Variants in CHST11 observed in about 807,000 individuals in gnomAD.
CHST11 encodes carbohydrate sulfotransferase 11, also known as C4S-1.
CHST11 carries 9 observed loss-of-function variants against 30.4 expected under a neutral mutation model. The ratio of observed to expected loss-of-function variants is 0.30; its 90% CI spans 0.18 to 0.52. CHST11 has a LOEUF of 0.52. Among genes scored for constraint, CHST11 ranks in the 20% least tolerant of loss-of-function variants. The pLI is 0.97. For missense variants in CHST11, 348 were observed against 460.6 expected (o/e 0.76, Z 2.24); for synonymous variants, 152 against 187.8 (o/e 0.81, Z 1.56).
intron 2 of CHST11, among the ~76,000 whole-genome samples, chr12:104,748,180 AGTCT>A (rs2040403358): frequency 6.6e-6 from 1 of 152,170 alleles, no homozygotes; most frequent in East Asian, 1.9e-4. Context: ...TGGATCTAGG[AGTCT>A]GTCGGCAGCA....
chr12:104,710,598 T>G (rs763808243), intron 2 of CHST11, among the ~76,000 whole-genome samples: 1 of 152,102 alleles, frequency 6.6e-6, no homozygotes, highest in South Asian at 2.1e-4. Context: ...TTCATCTTCT[T>G]CCTGGAAGGT....
Position 104,677,637 on chromosome 12 carries a change from G to C in CHST11, c.204+75646G>C, listed in dbSNP as rs12579373. On this transcript the variant is annotated intron_variant, in intron 2 of 2. Coordinates refer to ENST00000303694, the MANE Select transcript of CHST11 (RefSeq NM_018413.6). ...GGAGAAACCACTAGGAATTTGGGGG[G>C]AATAGAGCAGAGAGAGAGAGGTAGG... Among the ~76,000 whole-genome samples the C allele has an allele frequency of 7.6e-3, 1,159 of 152,360 alleles. 17 individuals are homozygous for C. Among genetic ancestry groups the C allele is most frequent in the East Asian group, 0.061 (314 of 5,184 alleles).
At chr12:104,704,298 G>T (rs1002814769) in intron 2 of CHST11, among the ~76,000 whole-genome samples, 1 of 152,200 alleles carries the variant, frequency 6.6e-6, no homozygotes, top group African/African-American at 2.4e-5. Context: ...GACCCAGGAA[G>T]GCCAGGGCTG....
At chr12:104,473,026 G>A (rs944375166) in intron 1 of CHST11, among the ~76,000 whole-genome samples, 4 of 152,170 alleles carry the variant, frequency 2.6e-5, no homozygotes, top group Non-Finnish European at 4.4e-5. Context: ...ATGCTCTAAA[G>A]TTTGAGTTTT....
At chr12:104,509,575 A>T (rs998329277) in intron 1 of CHST11, among the ~76,000 whole-genome samples, 2 of 152,298 alleles carry the variant, frequency 1.3e-5, no homozygotes, top group Admixed American at 1.3e-4. Flanking sequence ...TACCTGTTGA[A>T]CATTGATAGA....
chr12:104,465,066 T>C (rs1403060300), intron 1 of CHST11, among the ~76,000 whole-genome samples: 1 of 152,250 alleles, frequency 6.6e-6, no homozygotes, highest in African/African-American at 2.4e-5. Context: ...CAAATAGCAG[T>C]GTGCCTTCAC....
intron 2 of CHST11, among the ~76,000 whole-genome samples, chr12:104,712,163 TA>T (rs2040093754): frequency 6.6e-6 from 1 of 152,170 alleles, no homozygotes; most frequent in African/African-American, 2.4e-5. Context: ...ACACCAACTG[TA>T]CCATTTGGTT....
chr12:104,681,776 A>G (rs950672963), intron 2 of CHST11, among the ~76,000 whole-genome samples: 1 of 149,626 alleles, frequency 6.7e-6, no homozygotes, highest in African/African-American at 2.5e-5. Flanking sequence ...TTTCAGTCTG[A>G]TAGGTCTAGA....
At chr12:104,544,532 C>T (rs984750012) in intron 1 of CHST11, among the ~76,000 whole-genome samples, 1 of 151,988 alleles carries the variant, frequency 6.6e-6, no homozygotes, top group African/African-American at 2.4e-5. Context: ...CATGGTGAAA[C>T]TGTGTCTCTA....
intron 2 of CHST11, among the ~76,000 whole-genome samples, chr12:104,708,553 A>C (rs1302680415): frequency 1.3e-5 from 2 of 152,192 alleles, no homozygotes; most frequent in African/African-American, 4.8e-5. Flanking sequence ...AGGCTGGCCA[A>C]GCTTGCAAGG....
chr12:104,561,639 T>C (rs993117799), intron 1 of CHST11, among the ~76,000 whole-genome samples: 1 of 152,212 alleles, frequency 6.6e-6, no homozygotes, highest in Non-Finnish European at 1.5e-5. Context: ...TTGATTCTGC[T>C]GGAGTCTAAT....
rs1555231405 is a variant in CHST11 at position 104,544,768 on chromosome 12, G to GCCCCCCCCCCCC, written c.119-57138_119-57137insCCCCCCCCCCCC. On this transcript the variant is annotated intron_variant, in intron 1 of 2. Coordinates refer to ENST00000303694, the MANE Select transcript of CHST11 (RefSeq NM_018413.6). ...TCAATGATGTGCCCTGGGGGTCACA[G>GCCCCCCCCCCCC]TCCCCCCACCCCGGAGATAATGGAT... 1.5e-4 allele frequency among the ~76,000 whole-genome samples: 8 copies of GCCCCCCCCCCCC among 51,976 alleles called. 2 individuals carry two copies. The highest frequency in any genetic ancestry group is 0.018 in the East Asian group (2 of 112). 34.1% of individuals were successfully genotyped at this position (51,976 alleles called of 152,430 possible).
At chr12:104,464,832 C>A (rs770215151) in intron 1 of CHST11, among the ~76,000 whole-genome samples, 2 of 152,160 alleles carry the variant, frequency 1.3e-5, no homozygotes, top group Non-Finnish European at 2.9e-5. Flanking sequence ...AATCAGCACT[C>A]AATAAAAATA....
chr12:104,474,447 G>C lies in CHST11; in HGVS notation c.118+16918G>C, dbSNP rs531849379. ...ATAATCCATTGCATTCAGGAGGGGA[G>C]CAGCTCAGGGCTCTTTCTTGGGACT... On this transcript the variant is annotated intron_variant, in intron 1 of 2. Coordinates refer to ENST00000303694, the MANE Select transcript of CHST11 (RefSeq NM_018413.6). 2.6e-5 allele frequency among the ~76,000 whole-genome samples: 4 copies of C among 152,298 alleles called. No individual in the cohort carries two copies. In the East Asian group the frequency reaches 7.7e-4, roughly 29 times the overall value.
intron 1 of CHST11, among the ~76,000 whole-genome samples, chr12:104,574,664 A>T (rs1011786591): frequency 9.2e-5 from 14 of 151,582 alleles, no homozygotes; most frequent in Non-Finnish European, 2.1e-4. Flanking sequence ...AACAATGAGA[A>T]CACTTGAACA....
chr12:104,614,096 C>T (rs574687887), intron 2 of CHST11, among the ~76,000 whole-genome samples: 1 of 152,284 alleles, frequency 6.6e-6, no homozygotes, highest in South Asian at 2.1e-4. Context: ...TGTTACTTAG[C>T]TTGATTGTGG....
intron 2 of CHST11, among the ~76,000 whole-genome samples, chr12:104,604,116 C>T (rs1739824461): frequency 6.6e-6 from 1 of 152,176 alleles, no homozygotes; most frequent in African/African-American, 2.4e-5. Flanking sequence ...GCGAGGCAGA[C>T]TCTGCTTGGT....
intron 1 of CHST11, among the ~76,000 whole-genome samples, chr12:104,597,119 G>C (rs1005778558): frequency 6.6e-6 from 1 of 152,172 alleles, no homozygotes; most frequent in Non-Finnish European, 1.5e-5. Flanking sequence ...CTCTCCGTGG[G>C]CTGCTCTCAG....
At chr12:104,655,440 C>T (rs1465443717) in intron 2 of CHST11, among the ~76,000 whole-genome samples, 9 of 152,334 alleles carry the variant, frequency 5.9e-5, no homozygotes, top group African/African-American at 2.2e-4. Flanking sequence ...TCCCTTTATC[C>T]TGGATCCCGG....
Sources: gnomAD v4.1 joint callset for allele counts (sites outside exome capture counted in the v4.1 genomes callset) on GRCh38, gnomAD v4.1.1 for gene constraint, MANE v1.5 for transcripts, NCBI Gene and HGNC (gene_info 2026-07-23, HGNC 2026-07-21) for gene names.